Variants in CDKN2AIP observed in about 807,000 individuals in gnomAD.
The protein encoded by CDKN2AIP is CDKN2A-interacting protein.
In CDKN2AIP, 12 loss-of-function variants were observed where a neutral mutation model predicts 44.1. That is an observed-to-expected ratio of 0.27 (90% CI 0.17 to 0.44). The LOEUF (loss-of-function observed/expected upper bound fraction) is 0.44, where lower values mean the gene tolerates loss of function less well. Among genes scored for constraint, CDKN2AIP ranks in the 20% least tolerant of loss-of-function variants. The probability of loss-of-function intolerance (pLI) is 1.00; values close to 1 mark genes in which losing one functional copy is unlikely to be tolerated. For synonymous variants in CDKN2AIP, 291 were observed against 272.1 expected, an observed-to-expected ratio of 1.07 and a Z score of -0.68; for missense variants, 705 against 681.6, an observed-to-expected ratio of 1.03 and a Z score of -0.38.
Position 183,449,048 on chromosome 4 carries a change from TTATA to T in CDKN2AIP, c.*1624_*1627del, listed in dbSNP as rs1733741581. 6.6e-6 allele frequency among the ~76,000 whole-genome samples: 1 copy of T among 152,110 alleles called. No homozygotes were observed. Among genetic ancestry groups the T allele is most frequent in the African/African-American group, 2.4e-5 (1 of 41,422 alleles). ...AAAAAATTACAACGAACAAATAAAT[TTATA>T]TAATATATCCAATTAGGTGGTTTGG... On this transcript the variant is annotated 3_prime_UTR_variant, in exon 3 of 3. Transcript: ENST00000504169.
Position 183,447,567 on chromosome 4 carries a change from T to G in CDKN2AIP, c.*140T>G. On this transcript the variant is annotated 3_prime_UTR_variant, in exon 3 of 3. Transcript: ENST00000504169. The stretch of plus-strand genomic sequence containing the variant: ...CAGAAAATTTACATTCTAGTTCTCT[T>G]CACACAGTAGCAGTTGTAAATAATT... 2 of 585,046 alleles carry G rather than the reference T, an allele frequency of 3.4e-6. No homozygotes were observed. The highest frequency in any genetic ancestry group is 6.0e-6 in the Non-Finnish European group (2 of 335,658). 36.2% of individuals were successfully genotyped at this position (585,046 alleles called of 1,614,324 possible). A position where few individuals can be genotyped will look rare whatever the true frequency, so the allele number is the denominator to read the frequency against.
rs752852591 is a variant in CDKN2AIP, at chr4:183,445,676, C to T, written c.403+11C>T. The T allele has an allele frequency of 3.1e-6, 5 of 1,602,626 alleles. No homozygotes were observed. In the South Asian group the frequency reaches 4.4e-5, roughly 14 times the overall value. ...TATCGAGTAGCAATGGTTAGCAGAT[C>T]ATAGATGTGAACATACATAGGAGTT... On this transcript the variant is annotated intron_variant, in intron 2 of 2. Coordinates refer to ENST00000504169, the MANE Select transcript of CDKN2AIP (RefSeq NM_017632.4).
rs901570464 is a variant in CDKN2AIP at position 183,444,866 on chromosome 4, C to G, written c.69C>G (p.Arg23=). The G allele has an allele frequency of 8.8e-6, 14 of 1,588,780 alleles. No individual in the cohort carries two copies. Among genetic ancestry groups the G allele is most frequent in the Non-Finnish European group, 1.2e-5 (14 of 1,167,604 alleles). The part of the protein sequence containing the change: ...PRVAAWVEAL[R]CDGETDKHWR... ...TGGCAGCCTGGGTGGAGGCGCTGCG[C>G]TGCGACGGCGAGACTGACAAACACT... The change falls in exon 1 of 3, where the codon CGC becomes CGG. Residue 23 remains arginine, a synonymous_variant. Coordinates refer to ENST00000504169, the MANE Select transcript of CDKN2AIP (RefSeq NM_017632.4).
rs931593989 is a variant in CDKN2AIP at position 183,444,744 on chromosome 4, C to T, written c.-54C>T. The T allele has an allele frequency of 1.1e-4, 154 of 1,463,542 alleles. No individual in the cohort carries two copies. Among genetic ancestry groups the T allele is most frequent in the Non-Finnish European group, 1.4e-4 (151 of 1,101,374 alleles). The allele number at this position is 1,463,542 out of a possible 1,614,324, so 90.7% of individuals were successfully genotyped here. On this transcript the variant is annotated 5_prime_UTR_variant, in exon 1 of 3. Coordinates refer to ENST00000504169, the MANE Select transcript of CDKN2AIP (RefSeq NM_017632.4). ...GCCGCAGTGACAGGGCCGCTCGCCC[C>T]GCTAGTCCTGCCTGTCTCCCGGTGC...
At position 183,447,072 on chromosome 4, in the gene CDKN2AIP, A is replaced by C. The variant is rs1733699839; in HGVS notation, c.1388A>C (p.His463Pro). Residue 463 changes from histidine (H) to proline (P), a missense_variant, in exon 3 of 3, where the codon CAT becomes CCT. Transcript: ENST00000504169. ...GGTGGCTTTAGTCCCAATGTGAATC[A>C]TGGAGAGCTCCTAAATGCAGCTATT... ...AVGGFSPNVN[H>P]GELLNAAIEA... The C allele has an allele frequency of 6.2e-7, 1 of 1,613,966 alleles. No homozygotes were observed. The highest frequency in any genetic ancestry group is 8.5e-7 in the Non-Finnish European group (1 of 1,179,934).
chr4:183,444,796 A>G lies in CDKN2AIP; in HGVS notation c.-2A>G, dbSNP rs1266737405. 13 of 1,529,204 alleles carry G rather than the reference A, an allele frequency of 8.5e-6. No homozygotes were observed. The highest frequency in any genetic ancestry group is 1.4e-5 in the African/African-American group (1 of 72,540). The allele number at this position is 1,529,204 out of a possible 1,614,324, so 94.7% of individuals were successfully genotyped here. A position where few individuals can be genotyped will look rare whatever the true frequency, so the allele number is the denominator to read the frequency against. On this transcript the variant is annotated 5_prime_UTR_variant, in exon 1 of 3. Coordinates refer to ENST00000504169, the MANE Select transcript of CDKN2AIP (RefSeq NM_017632.4). The stretch of plus-strand genomic sequence containing the variant: ...GCTGTGTTCGCGGCCTGCAGGCCCA[A>G]CATGGCGCAGGAGGTGTCGGAGTAC...
In CDKN2AIP at chr4:183,446,469, C is replaced by A; in HGVS notation, c.785C>A (p.Ser262Tyr). ...AGTCACATGACCCAATCCACTGATT[C>A]TAGACAACAAAGTGGATCACCTAAA... ...VNSHMTQSTD[S>Y]RQQSGSPKKS... Residue 262 changes from serine to tyrosine, a missense_variant, in exon 3 of 3, where the codon TCT becomes TAT. By Grantham distance (144) the Ser-to-Tyr change is moderately radical. Around this residue, in one of 2 missense-constraint regions of CDKN2AIP, gnomAD observed 592 missense variants for 518.0 expected, o/e 1.14. Transcript: ENST00000504169. 6.2e-7 allele frequency: 1 copy of A among 1,613,686 alleles called. No individual in the cohort carries two copies. Among genetic ancestry groups the A allele is most frequent in the Non-Finnish European group, 8.5e-7 (1 of 1,179,556 alleles).
At chr4:183,445,257 C>G in intron 1 of CDKN2AIP, 188 bp downstream of exon 1, 3 of 704,942 alleles carry the variant, frequency 4.3e-6, no homozygotes, top group Non-Finnish European at 6.9e-6. Flanking sequence ...GATTCCCGGA[C>G]GTCTGTGTGC....
rs1278214382 is a variant in CDKN2AIP at position 183,445,521 on chromosome 4, TC to T, written c.273-12del. 1.2e-6 allele frequency: 2 copies of T among 1,605,424 alleles called. No individual in the cohort carries two copies. The highest frequency in any genetic ancestry group is 3.4e-5 in the Admixed American group (2 of 59,600). On this transcript the variant is annotated splice_polypyrimidine_tract_variant and intron_variant, in intron 1 of 2. Coordinates refer to ENST00000504169, the MANE Select transcript of CDKN2AIP (RefSeq NM_017632.4). Reference sequence around the variant, plus strand: ...AAAAACACTTTTTAAAAATGACTTTTCCTTCTTTTTCAGATACCCTCAAAAA... The same window carrying T: ...AAAAACACTTTTTAAAAATGACTTTTCTTCTTTTTCAGATACCCTCAAAAA...
chr4:183,446,311 T>C lies in CDKN2AIP; in HGVS notation c.627T>C (p.Ser209=), dbSNP rs150786153. The change falls in exon 3 of 3, where the codon TCT becomes TCC. Residue 209 remains serine, a synonymous_variant. Transcript: ENST00000504169. Reference sequence around the variant, plus strand: ...GCTCTACAAGTGATGGAGATCGATCTGTTTCCAGCCAAAGCAGCAGCAGCG... The same window carrying C: ...GCTCTACAAGTGATGGAGATCGATCCGTTTCCAGCCAAAGCAGCAGCAGCG... ...QNSSTSDGDR[S]VSSQSSSSVS... is the part of the protein sequence containing the mutation. 2.0e-5 allele frequency: 33 copies of C among 1,614,104 alleles called. No homozygotes were observed. The highest frequency in any genetic ancestry group is 2.8e-5 in the Non-Finnish European group (33 of 1,180,040).
chr4:183,447,205 C>G lies in CDKN2AIP; in HGVS notation c.1521C>G (p.Cys507Trp). ...SQESIVCELR[C>W]KSVYLGTGCG... is the part of the protein sequence containing the mutation. ...AAAGTATTGTTTGTGAATTGAGGTG[C>G]AAGTCTGTGTATTTGGGCACTGGCT... Residue 507 changes from cysteine to tryptophan, a missense_variant, in exon 3 of 3, where the codon TGC becomes TGG. Cys to Trp is a radical substitution (Grantham distance 215, BLOSUM62 -2). Coordinates refer to ENST00000504169, the MANE Select transcript of CDKN2AIP (RefSeq NM_017632.4). 6.2e-7 allele frequency: 1 copy of G among 1,613,574 alleles called. No individual in the cohort carries two copies. Among genetic ancestry groups the G allele is most frequent in the Non-Finnish European group, 8.5e-7 (1 of 1,179,804 alleles).
Position 183,447,470 on chromosome 4 carries a change from AG to A in CDKN2AIP, c.*44del. ...TGCATACAATATCTGGTATTTGAAG[AG>A]AAAAACTGACTTTTGTATAGTATAA... is the stretch of plus-strand genomic sequence containing the variant. On this transcript the variant is annotated 3_prime_UTR_variant, in exon 3 of 3. Coordinates refer to ENST00000504169, the MANE Select transcript of CDKN2AIP (RefSeq NM_017632.4). 2.2e-6 allele frequency: 3 copies of A among 1,395,198 alleles called. No individual in the cohort carries two copies. Among genetic ancestry groups the A allele is most frequent in the East Asian group, 2.3e-5 (1 of 43,004 alleles). The allele number at this position is 1,395,198 out of a possible 1,614,324, so 86.4% of individuals were successfully genotyped here. A position where few individuals can be genotyped will look rare whatever the true frequency, so the allele number is the denominator to read the frequency against.
chr4:183,446,355 C>A lies in CDKN2AIP; in HGVS notation c.671C>A (p.Thr224Lys). The A allele has an allele frequency of 6.2e-7, 1 of 1,614,012 alleles. No individual in the cohort carries two copies. The highest frequency in any genetic ancestry group is 8.5e-7 in the Non-Finnish European group (1 of 1,179,928). ...AGCAGCGTTTCCTCTCAGGTAACAA[C>A]GGCAGGATCTGGGAAAGCTTCTGAA... is the stretch of plus-strand genomic sequence containing the variant. ...SSSSVSSQVT[T>K]AGSGKASEAE... The change falls in exon 3 of 3, where the codon ACG becomes AAG. Residue 224 changes from threonine to lysine, a missense_variant. This residue lies in a region of CDKN2AIP where 592 missense variants were observed against 518.0 expected (regional missense o/e 1.14). Coordinates refer to ENST00000504169, the MANE Select transcript of CDKN2AIP (RefSeq NM_017632.4).
At position 183,448,153 on chromosome 4, in the gene CDKN2AIP, T is replaced by G. The variant is rs1279135503; in HGVS notation, c.*726T>G. On this transcript the variant is annotated 3_prime_UTR_variant, in exon 3 of 3. Coordinates refer to ENST00000504169, the MANE Select transcript of CDKN2AIP (RefSeq NM_017632.4). ...TTTGTGACTACTATTAACAGATTGA[T>G]TTGTTTAGATATTAAATGCTTTAAG... is the stretch of plus-strand genomic sequence containing the variant. 6.6e-6 allele frequency: 1 copy of G among 152,228 alleles called. No individual in the cohort carries two copies. The highest frequency in any genetic ancestry group is 6.5e-5 in the Admixed American group (1 of 15,288). The allele number at this position is 152,228 out of a possible 1,614,324, so 9.4% of individuals were successfully genotyped here. A position where few individuals can be genotyped will look rare whatever the true frequency, so the allele number is the denominator to read the frequency against.
chr4:183,445,397 G>C, intron 1 of CDKN2AIP, 138 bp from the exon 2 acceptor site: 1 of 706,290 alleles, frequency 1.4e-6, no homozygotes, highest in Non-Finnish European at 2.4e-6. Flanking sequence ...TTGTTTATGG[G>C]GTTCCAGGAA....
chr4:183,444,900 C>T lies in CDKN2AIP; in HGVS notation c.103C>T (p.Arg35Cys), dbSNP rs781024274. 6.2e-7 allele frequency: 1 copy of T among 1,608,430 alleles called. No individual in the cohort carries two copies. Residue 35 changes from arginine (R) to cysteine (C), a missense_variant, in exon 1 of 3, where the codon CGC (arginine) becomes TGC (cysteine). Coordinates refer to ENST00000504169, the MANE Select transcript of CDKN2AIP (RefSeq NM_017632.4). Reference sequence around the variant, plus strand: ...CGAGACTGACAAACACTGGCGCCACCGCCGGGATTTTTTGCTTCGCAACGC... The same window carrying T: ...CGAGACTGACAAACACTGGCGCCACTGCCGGGATTTTTTGCTTCGCAACGC... ...DGETDKHWRH[R>C]RDFLLRNAGD...
Position 183,444,940 on chromosome 4 carries a change from C to T in CDKN2AIP, c.143C>T (p.Pro48Leu). Residue 48 changes from proline to leucine, a missense_variant, in exon 1 of 3, where the codon CCC (proline) becomes CTC (leucine). Transcript: ENST00000504169. ...FLLRNAGDLAPAGGAASASTD... is the reference protein window; with the variant it reads ...FLLRNAGDLALAGGAASASTD... ...CTTCGCAACGCCGGGGACCTGGCCC[C>T]CGCTGGCGGCGCTGCCTCCGCTAGC... 1 of 1,611,370 alleles carries T rather than the reference C, an allele frequency of 6.2e-7. No individual in the cohort carries two copies. The highest frequency in any genetic ancestry group is 1.3e-5 in the African/African-American group (1 of 75,020).
chr4:183,445,721 A>T, intron 2 of CDKN2AIP, 56 bp downstream of exon 2: 1 of 1,419,836 alleles, frequency 7.0e-7, no homozygotes, highest in Non-Finnish European at 9.8e-7. Context: ...AGTTTGATAT[A>T]ATTAGGAATT....
rs1733628841 is a variant in CDKN2AIP at position 183,444,906 on chromosome 4, G to T, written c.109G>T (p.Asp37Tyr). ...TGACAAACACTGGCGCCACCGCCGGGATTTTTTGCTTCGCAACGCCGGGGA... is the reference window on the plus strand; with the variant it reads ...TGACAAACACTGGCGCCACCGCCGGTATTTTTTGCTTCGCAACGCCGGGGA... ...ETDKHWRHRR[D>Y]FLLRNAGDLA... Residue 37 changes from aspartate to tyrosine, a missense_variant, in exon 1 of 3, where the codon GAT becomes TAT. By Grantham distance (160) the Asp-to-Tyr change is radical (BLOSUM62 -3). Around this residue, in one of 2 missense-constraint regions of CDKN2AIP, gnomAD observed 592 missense variants for 518.0 expected, o/e 1.14. Transcript: ENST00000504169. The T allele has an allele frequency of 2.5e-6, 4 of 1,609,870 alleles. No homozygotes were observed. The highest frequency in any genetic ancestry group is 2.5e-6 in the Non-Finnish European group (3 of 1,178,456).
Sources: gnomAD v4.1 joint callset for allele counts (sites outside exome capture counted in the v4.1 genomes callset) on GRCh38, gnomAD v4.1.1 for gene constraint, gnomAD v4.1.1 regional missense constraint, MANE v1.5 for transcripts, NCBI Gene and HGNC (gene_info 2026-07-23, HGNC 2026-07-21) for gene names.